Variants in EXOC4 observed in about 807,000 individuals in gnomAD.
EXOC4 encodes the protein SEC8-like 1.
Under a neutral mutation model 107.2 loss-of-function variants are expected in EXOC4, and 71 were observed. The ratio of observed to expected loss-of-function variants is 0.66; its 90% CI spans 0.55 to 0.81. The LOEUF is 0.81. EXOC4 is among the 30% of genes least tolerant of loss of function. The probability of loss-of-function intolerance (pLI) is 0.00; values close to 1 mark genes in which losing one functional copy is unlikely to be tolerated. For synonymous variants in EXOC4, 456 were observed against 441.2 expected, an observed-to-expected ratio of 1.03 and a Z score of -0.42; for missense variants, 1,108 against 1,189.6, an observed-to-expected ratio of 0.93 and a Z score of 1.01.
At chr7:133,511,962 C>T (rs1002431147) in intron 9 of EXOC4, among the ~76,000 whole-genome samples, 24 of 152,140 alleles carry the variant, frequency 1.6e-4, no homozygotes, top group Middle Eastern at 3.4e-3. Flanking sequence ...TTAGCCACAG[C>T]GCAGCATTCT....
Position 133,782,748 on chromosome 7 carries a change from G to A in EXOC4, c.1515-34577G>A, listed in dbSNP as rs1444121581. ...CTTAGATTAAATGTTCCTCGGACCC[G>A]GGTACTTAACTACAATTATGCTGTG... On this transcript the variant is annotated intron_variant, in intron 10 of 17. Coordinates refer to ENST00000253861, the MANE Select transcript of EXOC4 (RefSeq NM_021807.4). Among the ~76,000 whole-genome samples, 6 of 152,106 alleles carry A rather than the reference G, an allele frequency of 3.9e-5. No homozygotes were observed. In the East Asian group the frequency reaches 7.7e-4, roughly 20 times the overall value.
At chr7:133,954,311 G>A (rs887294812) in intron 14 of EXOC4, among the ~76,000 whole-genome samples, 6 of 152,092 alleles carry the variant, frequency 3.9e-5, no homozygotes, top group African/African-American at 9.7e-5. Context: ...TTTGGAATAC[G>A]GATTTACATC....
chr7:133,386,826 T>G (rs1015219063), intron 7 of EXOC4, among the ~76,000 whole-genome samples: 15 of 61,020 alleles, frequency 2.5e-4, no homozygotes, highest in Non-Finnish European at 4.4e-4. Flanking sequence ...GAAAGGAGAG[T>G]TTTTTTTTTT....
chr7:133,575,009 A>G (rs1183170167), intron 9 of EXOC4, among the ~76,000 whole-genome samples: 1 of 152,246 alleles, frequency 6.6e-6, no homozygotes, highest in Non-Finnish European at 1.5e-5. Context: ...GATGTGCTCC[A>G]CAGGATCAGA....
At chr7:133,743,807 G>A (rs1202120897) in intron 10 of EXOC4, among the ~76,000 whole-genome samples, 1 of 152,106 alleles carries the variant, frequency 6.6e-6, no homozygotes, top group African/African-American at 2.4e-5. Flanking sequence ...CTACTTGGGT[G>A]TTTTCGTGCC....
intron 7 of EXOC4, among the ~76,000 whole-genome samples, chr7:133,439,246 G>A (rs1421358615): frequency 2.0e-5 from 3 of 149,640 alleles, no homozygotes; most frequent in African/African-American, 7.4e-5. Flanking sequence ...GTGCAGTGGG[G>A]CGATCTCGGC....
intron 9 of EXOC4, among the ~76,000 whole-genome samples, chr7:133,542,411 C>A (rs565946431): frequency 6.6e-6 from 1 of 152,044 alleles, no homozygotes; most frequent in Non-Finnish European, 1.5e-5. Context: ...GGGTGTAGGG[C>A]AGGACCCTTT....
the EXOC4 span, among the ~76,000 whole-genome samples, chr7:134,073,204 TCAAAAAA>T: frequency 8.3e-4 from 3 of 3,598 alleles, no homozygotes; most frequent in African/African-American, 0.012. Flanking sequence ...AGACTTCCTC[TCAAAAAA>T]AAAAAAAAAA....
At chr7:133,635,236 T>C (rs1802681475) in intron 10 of EXOC4, among the ~76,000 whole-genome samples, 1 of 152,194 alleles carries the variant, frequency 6.6e-6, no homozygotes, top group Non-Finnish European at 1.5e-5. Flanking sequence ...CAACCACAAT[T>C]TAAATCAGAG....
intron 10 of EXOC4, among the ~76,000 whole-genome samples, chr7:133,793,305 G>C (rs1796743612): frequency 6.6e-6 from 1 of 152,018 alleles, no homozygotes; most frequent in South Asian, 2.1e-4. Context: ...AGTTTGGGGG[G>C]CTACAGCTAC....
intron 10 of EXOC4, among the ~76,000 whole-genome samples, chr7:133,813,898 T>C (rs375037154): frequency 5.2e-4 from 79 of 152,230 alleles, no homozygotes; most frequent in Middle Eastern, 3.4e-3. Flanking sequence ...ACTGGTAATA[T>C]GTAAGGTTAA....
At position 134,004,059 on chromosome 7, in the gene EXOC4, C is replaced by T. The variant is rs548005743; in HGVS notation, c.2349-853C>T. On this transcript the variant is annotated intron_variant, in intron 15 of 17. Transcript: ENST00000253861. ...TACCCCGTGGCACATTTCCATGGCACGTGGATGGATGTGCTTAGAGTGAGA... is the reference window on the plus strand; with the variant it reads ...TACCCCGTGGCACATTTCCATGGCATGTGGATGGATGTGCTTAGAGTGAGA... Among the ~76,000 whole-genome samples the T allele has an allele frequency of 2.4e-4, 37 of 152,194 alleles. 3 individuals carry two copies. In the South Asian group the frequency reaches 6.8e-3, roughly 28 times the overall value.
intron 7 of EXOC4, among the ~76,000 whole-genome samples, chr7:133,405,423 T>A (rs896364290): frequency 6.6e-6 from 1 of 152,180 alleles, no homozygotes; most frequent in Non-Finnish European, 1.5e-5. Flanking sequence ...TCTATTTAGA[T>A]CATGGTAAAT....
chr7:133,588,855 C>G (rs553622065), intron 9 of EXOC4, among the ~76,000 whole-genome samples: 1 of 151,680 alleles, frequency 6.6e-6, no homozygotes, highest in Admixed American at 6.6e-5. Flanking sequence ...CCAGACTGGG[C>G]GACAAGAGTG....
rs900610376 is a variant in EXOC4, at chr7:133,372,962, T to G, written c.1008-1866T>G. ...ATATAATGTTAAATAAATTTACCTTTGTGAAGAGTCAATATATTATTCATA... is the reference window on the plus strand; with the variant it reads ...ATATAATGTTAAATAAATTTACCTTGGTGAAGAGTCAATATATTATTCATA... On this transcript the variant is annotated intron_variant, in intron 6 of 17. Coordinates refer to ENST00000253861, the MANE Select transcript of EXOC4 (RefSeq NM_021807.4). Among the ~76,000 whole-genome samples the G allele has an allele frequency of 3.3e-5, 5 of 152,252 alleles. No individual in the cohort carries two copies. The East Asian group carries it at 9.6e-4, about 29-fold the overall frequency.
chr7:133,810,760 A>T, intron 10 of EXOC4, among the ~76,000 whole-genome samples: 1 of 151,936 alleles, frequency 6.6e-6, no homozygotes, highest in Admixed American at 6.6e-5. Context: ...TTTCCCGAGT[A>T]GCTGGGTCTA....
At chr7:133,316,625 G>A (rs187026034) in intron 4 of EXOC4, among the ~76,000 whole-genome samples, 68 of 152,246 alleles carry the variant, frequency 4.5e-4, no homozygotes, top group Admixed American at 7.9e-4. Context: ...TGATTTATGC[G>A]TTTATTTAAA....
chr7:133,377,291 T>G (rs112149095), intron 7 of EXOC4, among the ~76,000 whole-genome samples: 3 of 152,146 alleles, frequency 2.0e-5, no homozygotes, highest in African/African-American at 7.2e-5. Context: ...GAGGTGGAGG[T>G]TGCAGTGAGC....
chr7:133,410,403 C>T (rs1258500668), intron 7 of EXOC4, among the ~76,000 whole-genome samples: 1 of 152,036 alleles, frequency 6.6e-6, no homozygotes, highest in African/African-American at 2.4e-5. Flanking sequence ...TTTTTCTCCA[C>T]CTGTGGCTCT....
Sources: allele counts gnomAD v4.1 joint callset (sites outside exome capture counted in the v4.1 genomes callset), GRCh38; gene constraint gnomAD v4.1.1; transcripts MANE v1.5; gene names NCBI Gene and HGNC (gene_info 2026-07-23, HGNC 2026-07-21).